NPAS2: variants seen among roughly 807,000 people sequenced by gnomAD.
NPAS2 encodes neuronal PAS domain-containing protein 2.
In NPAS2, 23 loss-of-function variants were observed where a neutral mutation model predicts 107.5. The ratio of observed to expected loss-of-function variants is 0.21; its 90% confidence interval spans 0.15 to 0.30. The LOEUF (loss-of-function observed/expected upper bound fraction) is 0.30, where lower values mean the gene tolerates loss of function less well. Ranked by LOEUF, NPAS2 falls within the 10% of genes least tolerant of loss-of-function variation. The pLI, the probability that NPAS2 is intolerant of heterozygous loss-of-function variation, is 1.00. For missense variants in NPAS2, 756 were observed against 1,043.3 expected, an observed-to-expected ratio of 0.72 and a Z score of 3.79; for synonymous variants, 403 against 417.5, an observed-to-expected ratio of 0.97 and a Z score of 0.42.
In NPAS2 at chr2:100,995,715, G is replaced by A; in HGVS notation, c.*133G>A. On this transcript the variant is annotated 3_prime_UTR_variant, in exon 21 of 21. Transcript: ENST00000335681. Reference sequence around the variant, plus strand: ...CACTGCATACGTTTCAGAACTCCTGGATGGTAACCATCTCTGGAGTGCAGC... The same window carrying A: ...CACTGCATACGTTTCAGAACTCCTGAATGGTAACCATCTCTGGAGTGCAGC... 1.3e-6 allele frequency: 2 copies of A among 1,549,688 alleles called. No individual in the cohort carries two copies. Among genetic ancestry groups the A allele is most frequent in the Non-Finnish European group, 1.7e-6 (2 of 1,147,046 alleles).
At chr2:100,887,987 G>C (rs915994175) in intron 1 of NPAS2, among the ~76,000 whole-genome samples, 23 of 152,230 alleles carry the variant, frequency 1.5e-4, no homozygotes, top group African/African-American at 5.3e-4. Context: ...GAGTCATACA[G>C]ATGGCAGTCT....
intron 1 of NPAS2, among the ~76,000 whole-genome samples, chr2:100,899,923 G>T (rs1284467182): frequency 6.6e-6 from 1 of 152,100 alleles, no homozygotes; most frequent in Admixed American, 6.5e-5. Flanking sequence ...AATAATGTCC[G>T]AGCCCTATCC....
intron 7 of NPAS2, among the ~76,000 whole-genome samples, chr2:100,949,947 A>G (rs992161271): frequency 2.0e-5 from 3 of 152,192 alleles, no homozygotes; most frequent in Non-Finnish European, 2.9e-5. Context: ...CAAAGGGGTC[A>G]TTTTACAATG....
intron 4 of NPAS2, among the ~76,000 whole-genome samples, chr2:100,933,270 G>GCTA (rs1312352414): frequency 6.6e-6 from 1 of 152,154 alleles, no homozygotes; most frequent in African/African-American, 2.4e-5. Context: ...ACACCTTGCT[G>GCTA]GGGAGCCAGG....
At chr2:100,918,013 G>GT in intron 2 of NPAS2, among the ~76,000 whole-genome samples, 1 of 151,860 alleles carries the variant, frequency 6.6e-6, no homozygotes. Flanking sequence ...TTTCATAAGT[G>GT]TAGATACAAA....
rs1684419356 is a variant in NPAS2 at position 100,937,735 on chromosome 2, A to AT, written c.274-17dup. On this transcript the variant is annotated splice_polypyrimidine_tract_variant and intron_variant, in intron 4 of 20. Transcript: ENST00000335681. ...AAACGCATTGCTAAGGAGCTTTCAA[A>AT]TGTTGCATTTTCCACAGGCATTAGA... 6.3e-7 allele frequency: 1 copy of AT among 1,599,782 alleles called. No homozygotes were observed. Among genetic ancestry groups the AT allele is most frequent in the African/African-American group, 1.3e-5 (1 of 74,614 alleles).
chr2:100,907,227 A>C (rs2104788809), intron 2 of NPAS2, among the ~76,000 whole-genome samples: 1 of 152,254 alleles, frequency 6.6e-6, no homozygotes, highest in South Asian at 2.1e-4. Context: ...AGACATGCCA[A>C]AAAAAATCTG....
chr2:100,846,089 G>T (rs1003364939), intron 1 of NPAS2, among the ~76,000 whole-genome samples: 2 of 151,928 alleles, frequency 1.3e-5, no homozygotes, highest in Non-Finnish European at 2.9e-5. Flanking sequence ...CCAGCCCTCG[G>T]TGCCCACGAT....
At chr2:100,925,633 C>T (rs1042945868) in intron 3 of NPAS2, among the ~76,000 whole-genome samples, 2 of 152,190 alleles carry the variant, frequency 1.3e-5, no homozygotes, top group Admixed American at 6.5e-5. Context: ...TGAACAGATG[C>T]AGTGGCTGAA....
intron 1 of NPAS2, among the ~76,000 whole-genome samples, chr2:100,861,209 C>T (rs956861683): frequency 5.3e-5 from 8 of 152,026 alleles, no homozygotes; most frequent in South Asian, 2.1e-4. Context: ...TGAAGGGTTC[C>T]GAGCTGCTCA....
At chr2:100,894,194 G>A (rs1681259874) in intron 1 of NPAS2, among the ~76,000 whole-genome samples, 2 of 152,224 alleles carry the variant, frequency 1.3e-5, no homozygotes, top group Non-Finnish European at 2.9e-5. Flanking sequence ...TTTCACCTGG[G>A]TGTGTGAATG....
chr2:100,962,477 A>G (rs372497974), intron 7 of NPAS2, among the ~76,000 whole-genome samples: 6 of 152,288 alleles, frequency 3.9e-5, no homozygotes, highest in East Asian at 3.9e-4. Context: ...AAAACGCAGC[A>G]CAGATTATCA....
chr2:100,922,458 C>T (rs967880551), intron 2 of NPAS2, among the ~76,000 whole-genome samples: 2 of 152,080 alleles, frequency 1.3e-5, no homozygotes, highest in Non-Finnish European at 2.9e-5. Context: ...TGGTGCATGC[C>T]TGTAATCCCA....
chr2:100,946,977 G>C (rs960191525), intron 5 of NPAS2, among the ~76,000 whole-genome samples: 12 of 152,192 alleles, frequency 7.9e-5, no homozygotes, highest in African/African-American at 2.7e-4. Flanking sequence ...GAGATGATAT[G>C]GGTGGGAAAG....
At position 100,820,998 on chromosome 2, in the gene NPAS2, C is replaced by G. The variant is rs774942265; in HGVS notation, c.-23+584C>G. 5.5e-6 allele frequency: 7 copies of G among 1,281,656 alleles called. No individual in the cohort carries two copies. The highest frequency in any genetic ancestry group is 1.2e-4 in the East Asian group (2 of 16,892). The allele number at this position is 1,281,656 out of a possible 1,614,324, so 79.4% of individuals were successfully genotyped here. A position where few individuals can be genotyped will look rare whatever the true frequency, so the allele number is the denominator to read the frequency against. On this transcript the variant is annotated intron_variant, in intron 1 of 20. Transcript: ENST00000335681. The surrounding 1 kb of genome is among the most constrained non-coding windows in gnomAD (Gnocchi z 5.6). Reference sequence around the variant, plus strand: ...GCTCCTCACGTCGCTGCCGCCCCCCCACCCCAACTCCGGAGCTCCCCAGGT... The same window carrying G: ...GCTCCTCACGTCGCTGCCGCCCCCCGACCCCAACTCCGGAGCTCCCCAGGT...
At chr2:100,888,997 G>A (rs1362040540) in intron 1 of NPAS2, among the ~76,000 whole-genome samples, 1 of 152,202 alleles carries the variant, frequency 6.6e-6, no homozygotes, top group Non-Finnish European at 1.5e-5. Context: ...AGTTTCCCCA[G>A]CATTATTCAG....
At chr2:100,882,532 A>G (rs1173444981) in intron 1 of NPAS2, among the ~76,000 whole-genome samples, 2 of 152,120 alleles carry the variant, frequency 1.3e-5, no homozygotes, top group Non-Finnish European at 2.9e-5. Context: ...GAATGGCGTA[A>G]AACCCGGGAG....
chr2:100,908,889 A>G (rs2104798217), intron 2 of NPAS2, among the ~76,000 whole-genome samples: 1 of 152,298 alleles, frequency 6.6e-6, no homozygotes, highest in East Asian at 1.9e-4. Context: ...GGGGCTCTTA[A>G]TGGAGTGGAT....
At chr2:100,970,259 C>G (rs1222386627) in intron 11 of NPAS2, among the ~76,000 whole-genome samples, 2 of 152,216 alleles carry the variant, frequency 1.3e-5, no homozygotes, top group Non-Finnish European at 2.9e-5. Flanking sequence ...TCAGGCTGTG[C>G]CCTCTACCAG....
Sources: gnomAD v4.1 joint callset for allele counts (sites outside exome capture counted in the v4.1 genomes callset) on GRCh38, gnomAD v4.1.1 for gene constraint, Gnocchi (gnomAD v3.1) non-coding constraint, MANE v1.5 for transcripts, NCBI Gene and HGNC (gene_info 2026-07-23, HGNC 2026-07-21) for gene names.